LINGO2: variants seen among roughly 807,000 people sequenced by gnomAD.
LINGO2 encodes leucine-rich repeat and immunoglobulin-like domain-containing nogo receptor-interacting protein 2.
Under a neutral mutation model 30.6 loss-of-function variants are expected in LINGO2, and 14 were observed. The ratio of observed to expected loss-of-function variants is 0.46; its 90% CI spans 0.30 to 0.72. The LOEUF is 0.72. LINGO2 is among the 30% of genes least tolerant of loss of function. The pLI, the probability that LINGO2 is intolerant of heterozygous loss-of-function variation, is 0.07. For synonymous variants in LINGO2, 317 were observed against 288.5 expected, an observed-to-expected ratio of 1.10 and a Z score of -1.00; for missense variants, 729 against 751.7, an observed-to-expected ratio of 0.97 and a Z score of 0.35.
At chr9:28,404,514 C>G (rs1364061565) in intron 2 of LINGO2, among the ~76,000 whole-genome samples, 4 of 151,968 alleles carry the variant, frequency 2.6e-5, no homozygotes. Context: ...CTACAATGTA[C>G]CATAAAATGT....
chr9:29,043,221 A>G, the LINGO2 span, among the ~76,000 whole-genome samples: 7 of 151,966 alleles, frequency 4.6e-5, no homozygotes, highest in African/African-American at 1.4e-4. Context: ...AGCTAGCAAT[A>G]AAGATGTAGA....
the LINGO2 span, among the ~76,000 whole-genome samples, chr9:28,698,087 T>C: frequency 2.4e-4 from 37 of 152,092 alleles, 1 homozygote; most frequent in African/African-American, 4.8e-5. Context: ...TAAGCTGATA[T>C]TGGCAATCCC....
At chr9:28,936,117 T>G in the LINGO2 span, among the ~76,000 whole-genome samples, 1 of 152,082 alleles carries the variant, frequency 6.6e-6, no homozygotes. Context: ...ACAAACAAAT[T>G]TTCACAATCA....
intron 4 of LINGO2, among the ~76,000 whole-genome samples, chr9:28,053,736 G>A (rs1824784200): frequency 6.6e-6 from 1 of 152,028 alleles, no homozygotes; most frequent in African/African-American, 2.4e-5. Context: ...AACTGGATAT[G>A]GGTATGTTGG....
chr9:28,071,692 C>A (rs1229628193), intron 4 of LINGO2, among the ~76,000 whole-genome samples: 1 of 151,754 alleles, frequency 6.6e-6, no homozygotes. Flanking sequence ...CAAAAATTAG[C>A]CAATAAATGA....
At chr9:28,670,130 TAA>T (rs1293032703) in intron 1 of LINGO2, 68 bp downstream of exon 3, 2 of 152,062 alleles carry the variant, frequency 1.3e-5, no homozygotes, top group African/African-American at 4.8e-5. Flanking sequence ...ATAATAAAAA[TAA>T]GTTTTAAAAT....
the LINGO2 span, among the ~76,000 whole-genome samples, chr9:28,905,266 A>C: frequency 9.6e-6 from 1 of 103,682 alleles, no homozygotes. Flanking sequence ...TATGAAGCAC[A>C]GACAACAAAA....
chr9:28,765,538 G>C, the LINGO2 span, among the ~76,000 whole-genome samples: 1 of 152,040 alleles, frequency 6.6e-6, no homozygotes, highest in African/African-American at 2.4e-5. Context: ...ATGAGCTCTT[G>C]CTCTGGAGAG....
chr9:29,147,356 T>C, the LINGO2 span, among the ~76,000 whole-genome samples: 1 of 152,150 alleles, frequency 6.6e-6, no homozygotes, highest in Non-Finnish European at 1.5e-5. Flanking sequence ...TCATAAAGTA[T>C]CTGTGATTGA....
chr9:28,640,166 T>G (rs148131533), intron 1 of LINGO2, among the ~76,000 whole-genome samples: 3,136 of 152,222 alleles, frequency 0.021, 114 homozygotes, highest in African/African-American at 0.069. Context: ...TCTTCTGGCT[T>G]GTAGAGTTTC....
intron 4 of LINGO2, among the ~76,000 whole-genome samples, chr9:28,181,236 G>A (rs1040530462): frequency 6.6e-6 from 1 of 152,148 alleles, no homozygotes; most frequent in Admixed American, 6.6e-5. Context: ...TTACTGGGCT[G>A]CTTCCAGTAG....
chr9:28,810,526 G>A, the LINGO2 span, among the ~76,000 whole-genome samples: 1 of 152,124 alleles, frequency 6.6e-6, no homozygotes. Flanking sequence ...AAAGGCTCCT[G>A]ATAGAGTTCA....
chr9:28,690,507 G>T, the LINGO2 span, among the ~76,000 whole-genome samples: 3 of 152,078 alleles, frequency 2.0e-5, no homozygotes, highest in Non-Finnish European at 4.4e-5. Flanking sequence ...CTCTGGGTAA[G>T]GCCATCTTCA....
chr9:28,753,212 T>A, the LINGO2 span, among the ~76,000 whole-genome samples: 14 of 151,950 alleles, frequency 9.2e-5, no homozygotes, highest in Non-Finnish European at 2.1e-4. Context: ...GAAACCACCC[T>A]AGGGGGCAAT....
chr9:28,240,216 T>C (rs1224664906), intron 4 of LINGO2, among the ~76,000 whole-genome samples: 10 of 152,106 alleles, frequency 6.6e-5, no homozygotes, highest in African/African-American at 2.4e-4. Flanking sequence ...AAGCAATCTA[T>C]AGATTCAACA....
intron 1 of LINGO2, among the ~76,000 whole-genome samples, chr9:28,591,222 T>C (rs1323543098): frequency 6.6e-6 from 1 of 151,970 alleles, no homozygotes; most frequent in Non-Finnish European, 1.5e-5. Context: ...GATGACTTAA[T>C]GGGTGCAGCA....
the LINGO2 span, among the ~76,000 whole-genome samples, chr9:28,992,009 A>C: frequency 2.0e-5 from 3 of 152,180 alleles, no homozygotes; most frequent in African/African-American, 7.2e-5. Flanking sequence ...AAATTCACAC[A>C]TAACAATATT....
intron 5 of LINGO2, among the ~76,000 whole-genome samples, chr9:27,986,079 C>T (rs1380135633): frequency 6.6e-6 from 1 of 151,516 alleles, no homozygotes; most frequent in African/African-American, 2.4e-5. Flanking sequence ...TGGTAGATGA[C>T]TAGGCCCTGA....
chr9:28,103,250 T>A (rs1272044918), intron 4 of LINGO2, among the ~76,000 whole-genome samples: 2 of 152,152 alleles, frequency 1.3e-5, no homozygotes, highest in African/African-American at 4.8e-5. Context: ...TAAAGAAAAA[T>A]GCATCTGTAT....
Sources: gnomAD v4.1 joint callset for allele counts (sites outside exome capture counted in the v4.1 genomes callset) on GRCh38, gnomAD v4.1.1 for gene constraint, MANE v1.5 for transcripts, NCBI Gene and HGNC (gene_info 2026-07-23, HGNC 2026-07-21) for gene names.